Variants in CDC42 observed in about 807,000 individuals in gnomAD.
CDC42 encodes the protein cell division control protein 42 homolog.
In CDC42, 1 loss-of-function variant was observed where a neutral mutation model predicts 20.8. That is an observed-to-expected ratio of 0.05 (90% confidence interval 0.02 to 0.23). CDC42 has a LOEUF of 0.23. CDC42 is among the 10% of genes least tolerant of loss of function. CDC42 has a pLI of 1.00. For synonymous variants in CDC42, 72 were observed against 84.8 expected, an observed-to-expected ratio of 0.85 and a Z score of 0.83; for missense variants, 49 against 227.9, an observed-to-expected ratio of 0.21 and a Z score of 5.05.
In CDC42 at chr1:22,095,381, T is replaced by C. The variant is rs937872547; in HGVS notation, c.*3864T>C. On this transcript the variant is annotated 3_prime_UTR_variant, in exon 6 of 6. Transcript: ENST00000656825. Reference sequence around the variant, plus strand: ...GCCTCCCGGGTTCACACCATTCTCCTGCCTCAGCCTCCCGAGTAGCCAGGA... The same window carrying C: ...GCCTCCCGGGTTCACACCATTCTCCCGCCTCAGCCTCCCGAGTAGCCAGGA... 2.6e-5 allele frequency among the ~76,000 whole-genome samples: 4 copies of C among 152,148 alleles called. No homozygotes were observed. Among genetic ancestry groups the C allele is most frequent in the African/African-American group, 9.7e-5 (4 of 41,424 alleles).
intron 5 of CDC42, among the ~76,000 whole-genome samples, chr1:22,089,470 C>A (rs2124047734): frequency 6.6e-6 from 1 of 152,244 alleles, no homozygotes; most frequent in East Asian, 1.9e-4. Context: ...CTTTAAAGTC[C>A]TTCTAGTTGG....
chr1:22,054,889 A>ATG (rs1255999487), intron 1 of CDC42, among the ~76,000 whole-genome samples: 14 of 44,116 alleles, frequency 3.2e-4, no homozygotes, highest in Admixed American at 6.4e-4. Context: ...GTTTGAATTT[A>ATG]TGTATATATA....
rs747002932 is a variant in CDC42, at chr1:22,094,294, ATTTTT to A, written c.*2794_*2798del. On this transcript the variant is annotated 3_prime_UTR_variant, in exon 6 of 6. Transcript: ENST00000656825. ...GTTTTACTGAACATCCTAGAAATAG[ATTTTT>A]TTTTTTTTTTTTTTTTGAGACGGAG... Among the ~76,000 whole-genome samples, 45 of 38,306 alleles carry A rather than the reference ATTTTT, an allele frequency of 1.2e-3. 4 individuals carry two copies. In the South Asian group the frequency reaches 0.034, roughly 29 times the overall value. The allele number at this position is 38,306 out of a possible 152,430, so 25.1% of individuals were successfully genotyped here.
Position 22,092,862 on chromosome 1 carries a change from G to A in CDC42, c.*1345G>A, listed in dbSNP as rs1240859426. The A allele has an allele frequency of 6.6e-6, 1 of 152,548 alleles. No homozygotes were observed. Among genetic ancestry groups the A allele is most frequent in the Non-Finnish European group, 1.5e-5 (1 of 68,020 alleles). The allele number at this position is 152,548 out of a possible 1,614,324, so 9.4% of individuals were successfully genotyped here. ...AAACCTAATTCTTGTAGATGCATTA[G>A]TGTTGAACCAATGCTTTCTCATGTC... On this transcript the variant is annotated 3_prime_UTR_variant, in exon 6 of 6. Coordinates refer to ENST00000656825, the MANE Select transcript of CDC42 (RefSeq NM_001791.4).
At chr1:22,075,463 T>A (rs917819776) in intron 1 of CDC42, among the ~76,000 whole-genome samples, 2 of 152,192 alleles carry the variant, frequency 1.3e-5, no homozygotes, top group African/African-American at 4.8e-5. Flanking sequence ...AGTACAGTTA[T>A]CCATCTGTAT....
At chr1:22,090,204 A>AT in intron 5 of CDC42, 1 of 1,280,142 alleles carries the variant, frequency 7.8e-7, no homozygotes, top group East Asian at 2.9e-5. Context: ...TATCATATAA[A>AT]TTTTTTGTGA....
In CDC42 at chr1:22,093,107, A is replaced by G. The variant is rs1220372219; in HGVS notation, c.*1590A>G. On this transcript the variant is annotated 3_prime_UTR_variant, in exon 6 of 6. Transcript: ENST00000656825. ...GGCATTTTAGTTTGAGATAATATTT[A>G]GCCCTCTATATGTTCAGGTTTGTGC... is the stretch of plus-strand genomic sequence containing the variant. Among the ~76,000 whole-genome samples the G allele has an allele frequency of 6.6e-6, 1 of 152,164 alleles. No individual in the cohort carries two copies. The highest frequency in any genetic ancestry group is 1.5e-5 in the Non-Finnish European group (1 of 68,020).
At chr1:22,091,007 C>T (rs1384059353) in intron 5 of CDC42, among the ~76,000 whole-genome samples, 1 of 152,180 alleles carries the variant, frequency 6.6e-6, no homozygotes, top group African/African-American at 2.4e-5. Context: ...ATAAGGATGC[C>T]ACTGACCCGT....
intron 1 of CDC42, among the ~76,000 whole-genome samples, chr1:22,063,415 T>C (rs1645387457): frequency 6.6e-6 from 1 of 152,186 alleles, no homozygotes; most frequent in African/African-American, 2.4e-5. Context: ...GAAGGCAAGA[T>C]TTCTGTTACC....
intron 1 of CDC42, among the ~76,000 whole-genome samples, chr1:22,072,051 C>T (rs1177642020): frequency 6.7e-6 from 1 of 148,624 alleles, no homozygotes; most frequent in Non-Finnish European, 1.5e-5. Context: ...TGATTATTAG[C>T]TAGAACAACT....
intron 1 of CDC42, among the ~76,000 whole-genome samples, chr1:22,063,209 C>T (rs555220929): frequency 6.6e-6 from 1 of 152,098 alleles, no homozygotes; most frequent in Admixed American, 6.6e-5. Flanking sequence ...AGATTACTCT[C>T]CCATGTTTAC....
chr1:22,096,205 C>G lies in CDC42; in HGVS notation c.*4688C>G, dbSNP rs1425490276. On this transcript the variant is annotated 3_prime_UTR_variant, in exon 6 of 6. Transcript: ENST00000656825. ...CAAACTCCTGACCTCCTGATCCGCC[C>G]TCCTCAGCCTCCCAAAGTGCTGGGA... Among the ~76,000 whole-genome samples the G allele has an allele frequency of 6.6e-6, 1 of 152,000 alleles. No homozygotes were observed. Among genetic ancestry groups the G allele is most frequent in the African/African-American group, 2.4e-5 (1 of 41,368 alleles).
In CDC42 at chr1:22,098,219, C is replaced by T. The variant is rs1645769601; in HGVS notation, c.*6702C>T. On this transcript the variant is annotated 3_prime_UTR_variant, in exon 6 of 6. Transcript: ENST00000656825. ...TGCATTATTACTCCTAACAACGTGC[C>T]CTTTGGCAGGTAGCTTCCACTTTTC... is the stretch of plus-strand genomic sequence containing the variant. Among the ~76,000 whole-genome samples the T allele has an allele frequency of 6.6e-6, 1 of 152,100 alleles. No individual in the cohort carries two copies.
Position 22,052,729 on chromosome 1 carries a change from G to C in CDC42, c.-64G>C, listed in dbSNP as rs1300542963. The stretch of plus-strand genomic sequence containing the variant: ...CCCGCGCAGTGCTGCCAACGCCCCG[G>C]TGGAGAAGCTGAGGTGAGTGCGGGG... On this transcript the variant is annotated 5_prime_UTR_variant, in exon 1 of 6. Coordinates refer to ENST00000656825, the MANE Select transcript of CDC42 (RefSeq NM_001791.4). 2 of 152,854 alleles carry C rather than the reference G, an allele frequency of 1.3e-5. No individual in the cohort carries two copies. Among genetic ancestry groups the C allele is most frequent in the African/African-American group, 4.8e-5 (2 of 41,482 alleles). 9.5% of individuals were successfully genotyped at this position (152,854 alleles called of 1,614,324 possible).
intron 1 of CDC42, among the ~76,000 whole-genome samples, chr1:22,063,126 C>G (rs1489461040): frequency 6.6e-6 from 1 of 151,768 alleles, no homozygotes; most frequent in Non-Finnish European, 1.5e-5. Flanking sequence ...TTCTTTTTTC[C>G]ACTTTGCATG....
rs142493338 is a variant in CDC42 at position 22,095,692 on chromosome 1, A to G, written c.*4175A>G. On this transcript the variant is annotated 3_prime_UTR_variant, in exon 6 of 6. Coordinates refer to ENST00000656825, the MANE Select transcript of CDC42 (RefSeq NM_001791.4). The stretch of plus-strand genomic sequence containing the variant: ...ATTTGAACCATGCCAACGGTAGCTT[A>G]TTAAAACAGCATTTATTTTTCTCAT... Among the ~76,000 whole-genome samples, 144 of 152,318 alleles carry G rather than the reference A, an allele frequency of 9.5e-4. No homozygotes were observed. The highest frequency in any genetic ancestry group is 3.4e-3 in the Middle Eastern group (1 of 294).
intron 2 of CDC42, among the ~76,000 whole-genome samples, 190 bp from the exon 3 acceptor site, chr1:22,081,532 C>T (rs563976650): frequency 6.6e-6 from 1 of 152,258 alleles, no homozygotes; most frequent in East Asian, 1.9e-4. Context: ...AGAACACATC[C>T]TTTGTCTTTT....
At chr1:22,086,374 T>C in intron 3 of CDC42, 65 bp from the exon 4 acceptor site, 1 of 1,069,906 alleles carries the variant, frequency 9.3e-7, no homozygotes, top group Non-Finnish European at 1.4e-6. Context: ...CCAGCATGCT[T>C]TTAACACTTT....
In CDC42 at chr1:22,063,042, A is replaced by G. The variant is rs138802303; in HGVS notation, c.-51+10300A>G. Among the ~76,000 whole-genome samples the G allele has an allele frequency of 1.6e-3, 250 of 152,212 alleles. 1 individual carries two copies. Among genetic ancestry groups the G allele is most frequent in the African/African-American group, 5.8e-3 (239 of 41,540 alleles). ...GATACTCCTAAAACACTGTTCATGG[A>G]TATGGAAGAAGTGACTGTTCTGCTT... On this transcript the variant is annotated intron_variant, in intron 1 of 5. Transcript: ENST00000656825.
Sources: gnomAD v4.1 joint callset for allele counts (sites outside exome capture counted in the v4.1 genomes callset) on GRCh38, gnomAD v4.1.1 for gene constraint, MANE v1.5 for transcripts, NCBI Gene and HGNC (gene_info 2026-07-23, HGNC 2026-07-21) for gene names.